The following PPM1B variants were observed in gnomAD, a reference collection of about 807,000 sequenced individuals.
The protein encoded by PPM1B is protein phosphatase, Mg2+/Mn2+ dependent 1B.
PPM1B carries 22 observed loss-of-function variants against 43.0 expected under a neutral mutation model. That is an observed-to-expected ratio of 0.51 (90% CI 0.37 to 0.73). PPM1B has a LOEUF of 0.73. PPM1B is among the 30% of genes least tolerant of loss of function. PPM1B has a pLI of 0.00. For missense variants in PPM1B, 632 were observed against 584.2 expected (o/e 1.08, Z -0.84); for synonymous variants, 217 against 197.9 (o/e 1.10, Z -0.81).
At chr2:44,195,277 C>G (rs1668607232) in intron 1 of PPM1B, among the ~76,000 whole-genome samples, 1 of 150,310 alleles carries the variant, frequency 6.7e-6, no homozygotes, top group Non-Finnish European at 1.5e-5. Context: ...GATCATAGTT[C>G]ACTACAGCCT....
At chr2:44,184,381 C>T (rs1339546553) in intron 1 of PPM1B, among the ~76,000 whole-genome samples, 1 of 152,164 alleles carries the variant, frequency 6.6e-6, no homozygotes, top group African/African-American at 2.4e-5. Context: ...GTTGCTGATT[C>T]TCAGTAATTT....
At chr2:44,209,504 A>T in intron 3 of PPM1B, 177 bp downstream of exon 3, 1 of 705,322 alleles carries the variant, frequency 1.4e-6, no homozygotes, top group East Asian at 3.2e-5. Context: ...TTTCCTGGTC[A>T]GGCGCAGTGG....
At chr2:44,175,555 A>G (rs1451130372) in intron 1 of PPM1B, among the ~76,000 whole-genome samples, 1 of 152,210 alleles carries the variant, frequency 6.6e-6, no homozygotes, top group African/African-American at 2.4e-5. Context: ...TCTGTTAACC[A>G]GCAACTCACA....
intron 5 of PPM1B, chr2:44,218,903 A>G (rs557828198): frequency 8.6e-6 from 4 of 464,748 alleles, no homozygotes; most frequent in South Asian, 3.1e-5. Flanking sequence ...TGCCATCACC[A>G]GAAGTTAGTG....
Position 44,231,082 on chromosome 2 carries a change from A to C in PPM1B, c.*364A>C, listed in dbSNP as rs1178582834. On this transcript the variant is annotated 3_prime_UTR_variant, in exon 6 of 6. Transcript: ENST00000282412. ...TGTTAATGTAGAATTATACTGCTTC[A>C]TATTATTTTACCTATTAGTACACTC... The C allele has an allele frequency of 3.3e-6, 3 of 902,130 alleles. No homozygotes were observed. Among genetic ancestry groups the C allele is most frequent in the Non-Finnish European group, 2.7e-6 (2 of 752,370 alleles). 55.9% of individuals were successfully genotyped at this position (902,130 alleles called of 1,614,324 possible).
chr2:44,186,344 A>C (rs1668116284), intron 1 of PPM1B, among the ~76,000 whole-genome samples: 1 of 152,186 alleles, frequency 6.6e-6, no homozygotes, highest in Non-Finnish European at 1.5e-5. Context: ...AGATAGAAGC[A>C]CATTATTTTA....
intron 5 of PPM1B, among the ~76,000 whole-genome samples, chr2:44,229,644 G>T (rs1263446583): frequency 6.6e-6 from 1 of 152,174 alleles, no homozygotes. Context: ...TACAGGACAT[G>T]ACTGTACTTT....
At chr2:44,194,198 T>C (rs1668544670) in intron 1 of PPM1B, among the ~76,000 whole-genome samples, 1 of 152,172 alleles carries the variant, frequency 6.6e-6, no homozygotes, top group Non-Finnish European at 1.5e-5. Flanking sequence ...TTCCTTTCAG[T>C]ATCTGGTAAT....
chr2:44,213,918 CT>C (rs749386424), intron 3 of PPM1B, among the ~76,000 whole-genome samples: 15 of 152,242 alleles, frequency 9.9e-5, no homozygotes, highest in Non-Finnish European at 1.6e-4. Context: ...GAGGAATTCT[CT>C]TAGTTTCCTT....
At chr2:44,174,711 T>A (rs566517078) in intron 1 of PPM1B, among the ~76,000 whole-genome samples, 2 of 152,218 alleles carry the variant, frequency 1.3e-5, no homozygotes, top group Non-Finnish European at 2.9e-5. Flanking sequence ...AGCCTGAGAG[T>A]AATGTCAACT....
chr2:44,188,459 G>A (rs1220201508), intron 1 of PPM1B, among the ~76,000 whole-genome samples: 2 of 140,172 alleles, frequency 1.4e-5, no homozygotes, highest in Non-Finnish European at 3.0e-5. Context: ...ACAACAGTAC[G>A]ATCATGGCTC....
chr2:44,233,662 A>C (rs1670532173), downstream of PPM1B: 1 of 985,682 alleles, frequency 1.0e-6, no homozygotes, highest in South Asian at 4.7e-5. Flanking sequence ...TCCTTTGTGA[A>C]ATGGAATTCA....
At chr2:44,173,977 G>A (rs1667468761) in intron 1 of PPM1B, among the ~76,000 whole-genome samples, 2 of 152,212 alleles carry the variant, frequency 1.3e-5, no homozygotes, top group South Asian at 2.1e-4. Flanking sequence ...GTAATAACTT[G>A]TTTAACCTCA....
chr2:44,227,169 C>G (rs1670257222), intron 5 of PPM1B, among the ~76,000 whole-genome samples: 1 of 151,790 alleles, frequency 6.6e-6, no homozygotes, highest in African/African-American at 2.4e-5. Context: ...GAGACGGGGT[C>G]TCCCCGTGTT....
At chr2:44,202,916 A>G (rs1333503869) in intron 2 of PPM1B, among the ~76,000 whole-genome samples, 2 of 152,182 alleles carry the variant, frequency 1.3e-5, no homozygotes, top group African/African-American at 4.8e-5. Context: ...TTATCTGGCC[A>G]GTGTCTGGAG....
downstream of PPM1B, among the ~76,000 whole-genome samples, chr2:44,236,295 C>T (rs896058295): frequency 6.8e-6 from 1 of 148,104 alleles, no homozygotes; most frequent in African/African-American, 2.5e-5. Context: ...CCTAGCTACT[C>T]GGGAGTTTGA....
At chr2:44,177,576 G>A (rs1019837856) in intron 1 of PPM1B, among the ~76,000 whole-genome samples, 5 of 151,586 alleles carry the variant, frequency 3.3e-5, no homozygotes, top group Admixed American at 6.6e-5. Flanking sequence ...GTGCCACCAC[G>A]CTCAGCTAAT....
intron 1 of PPM1B, among the ~76,000 whole-genome samples, chr2:44,194,147 T>A (rs1668542186): frequency 6.6e-6 from 1 of 152,126 alleles, no homozygotes; most frequent in African/African-American, 2.4e-5. Context: ...TTCTGATTCC[T>A]TTTTCTTTGT....
rs188719990 is a variant in PPM1B, at chr2:44,225,679, C to T, written c.1135-4734C>T. On this transcript the variant is annotated intron_variant, in intron 5 of 5. Coordinates refer to ENST00000282412, the MANE Select transcript of PPM1B (RefSeq NM_002706.6). The stretch of plus-strand genomic sequence containing the variant: ...TTTTTTTATTTTTCATTTTTTGAGA[C>T]GGAGTCTCACCCTGTCACCGAGGCT... 2.3e-3 allele frequency among the ~76,000 whole-genome samples: 354 copies of T among 152,118 alleles called. 3 individuals are homozygous for T. The highest frequency in any genetic ancestry group is 8.0e-3 in the African/African-American group (333 of 41,492).
Sources: gnomAD v4.1 joint callset for allele counts (sites outside exome capture counted in the v4.1 genomes callset) on GRCh38, gnomAD v4.1.1 for gene constraint, MANE v1.5 for transcripts, NCBI Gene and HGNC (gene_info 2026-07-23, HGNC 2026-07-21) for gene names.